Variants in ESRRG observed in about 807,000 individuals in gnomAD.
ESRRG encodes estrogen-related receptor gamma.
A neutral mutation model predicts 44.0 loss-of-function variants in ESRRG; 13 were observed. The ratio of observed to expected loss-of-function variants is 0.30; its 90% CI spans 0.19 to 0.47. The LOEUF (loss-of-function observed/expected upper bound fraction) is 0.47, where lower values mean the gene tolerates loss of function less well. ESRRG is among the 20% of genes least tolerant of loss of function. ESRRG has a pLI of 1.00. For missense variants in ESRRG, 395 were observed against 580.6 expected, an observed-to-expected ratio of 0.68 and a Z score of 3.29; for synonymous variants, 215 against 214.6, an observed-to-expected ratio of 1.00 and a Z score of -0.02.
intron 3 of ESRRG, among the ~76,000 whole-genome samples, chr1:216,574,436 C>T (rs2149708276): frequency 6.6e-6 from 1 of 152,220 alleles, no homozygotes; most frequent in South Asian, 2.1e-4. Context: ...TTTGAGACTA[C>T]ATTTTGTGCC....
chr1:216,927,071 C>G (rs540366991), intron 2 of ESRRG, among the ~76,000 whole-genome samples: 2 of 152,296 alleles, frequency 1.3e-5, no homozygotes, highest in East Asian at 3.9e-4. Context: ...GCAACTGCTT[C>G]TTTTTAATTC....
At chr1:217,100,651 T>A (rs2092497148) in intron 1 of ESRRG, among the ~76,000 whole-genome samples, 1 of 152,210 alleles carries the variant, frequency 6.6e-6, no homozygotes, top group Non-Finnish European at 1.5e-5. Context: ...TGGCACCTGC[T>A]TCTGGTGAGG....
At chr1:216,689,702 G>A (rs1192842110) in intron 1 of ESRRG, among the ~76,000 whole-genome samples, 1 of 151,926 alleles carries the variant, frequency 6.6e-6, no homozygotes, top group South Asian at 2.1e-4. Context: ...AAAAACTTGA[G>A]ACCTGAATAA....
At chr1:216,775,607 G>C in intron 2 of ESRRG, among the ~76,000 whole-genome samples, 1 of 121,388 alleles carries the variant, frequency 8.2e-6, no homozygotes, top group Admixed American at 1.1e-4. Flanking sequence ...AGCGTCTCAC[G>C]CTGTCGCACA....
Position 216,710,060 on chromosome 1 carries a change from T to C in ESRRG, c.56+13184A>G, listed in dbSNP as rs373351552. On this transcript the variant is annotated intron_variant, in intron 1 of 6. Transcript: ENST00000408911. Reference sequence around the variant, plus strand: ...CTCCCTCGCATGCCTTCTCTGCACCTAAACAGAGCCATTTACATAGCCCAT... The same window carrying C: ...CTCCCTCGCATGCCTTCTCTGCACCCAAACAGAGCCATTTACATAGCCCAT... 2.0e-5 allele frequency among the ~76,000 whole-genome samples: 3 copies of C among 152,326 alleles called. No individual in the cohort carries two copies. In the East Asian group the frequency reaches 5.8e-4, roughly 29 times the overall value.
At chr1:217,113,515 C>T (rs1161839090) in intron 1 of ESRRG, among the ~76,000 whole-genome samples, 1 of 152,122 alleles carries the variant, frequency 6.6e-6, no homozygotes, top group Non-Finnish European at 1.5e-5. Context: ...AGGAGCCCAT[C>T]CACATATGGA....
chr1:217,100,019 T>G (rs1234083934), intron 1 of ESRRG, among the ~76,000 whole-genome samples: 2 of 152,032 alleles, frequency 1.3e-5, no homozygotes, highest in Non-Finnish European at 2.9e-5. Context: ...AAGTGAATTA[T>G]TTTGGTAATG....
chr1:216,719,600 T>G (rs1355285643), intron 1 of ESRRG, among the ~76,000 whole-genome samples: 1 of 152,040 alleles, frequency 6.6e-6, no homozygotes, highest in Non-Finnish European at 1.5e-5. Context: ...GCTGAGTTAA[T>G]TATTATTCTT....
At chr1:216,857,579 A>G (rs2095971569) in intron 2 of ESRRG, among the ~76,000 whole-genome samples, 1 of 152,018 alleles carries the variant, frequency 6.6e-6, no homozygotes, top group African/African-American at 2.4e-5. Flanking sequence ...AATGCACACA[A>G]TATAAAAGTC....
intron 2 of ESRRG, among the ~76,000 whole-genome samples, chr1:216,880,304 CAAAAAAAAAAAAAAAA>C (rs11301281): frequency 1.0e-4 from 3 of 29,032 alleles, no homozygotes; most frequent in East Asian, 2.6e-3. Context: ...GCCTCCCTCT[CAAAAAAAAAAAAAAAA>C]AAAAAAAAAA....
At chr1:216,966,848 G>A (rs1203127429) in intron 1 of ESRRG, among the ~76,000 whole-genome samples, 1 of 152,024 alleles carries the variant, frequency 6.6e-6, no homozygotes, top group Admixed American at 6.6e-5. Context: ...TACAGAGGGT[G>A]GCTGCTTTTT....
At chr1:216,793,773 T>C (rs2094395018) in intron 2 of ESRRG, among the ~76,000 whole-genome samples, 1 of 152,202 alleles carries the variant, frequency 6.6e-6, no homozygotes, top group African/African-American at 2.4e-5. Context: ...GTTTTGCTTT[T>C]CTTCTAATTT....
At chr1:217,011,567 G>A (rs923278868) in intron 1 of ESRRG, among the ~76,000 whole-genome samples, 1 of 152,036 alleles carries the variant, frequency 6.6e-6, no homozygotes, top group Non-Finnish European at 1.5e-5. Flanking sequence ...ATCTCCCAAG[G>A]AAATAAAAAA....
At chr1:216,543,047 C>T (rs2053386629) in intron 5 of ESRRG, among the ~76,000 whole-genome samples, 1 of 152,012 alleles carries the variant, frequency 6.6e-6, no homozygotes, top group Non-Finnish European at 1.5e-5. Flanking sequence ...TCAAAATAGC[C>T]ATAGCACCCT....
intron 2 of ESRRG, among the ~76,000 whole-genome samples, chr1:216,752,181 G>A (rs749097942): frequency 1.2e-4 from 19 of 152,016 alleles, no homozygotes; most frequent in Non-Finnish European, 2.5e-4. Flanking sequence ...AAAGAGTTAA[G>A]TATTTTTGTA....
intron 2 of ESRRG, among the ~76,000 whole-genome samples, chr1:216,670,797 G>A (rs979983110): frequency 6.6e-6 from 1 of 152,116 alleles, no homozygotes; most frequent in African/African-American, 2.4e-5. Flanking sequence ...TACAAGATTG[G>A]GAGATAGAGG....
chr1:216,823,725 C>T (rs1381465186), intron 2 of ESRRG, among the ~76,000 whole-genome samples: 1 of 152,114 alleles, frequency 6.6e-6, no homozygotes, highest in Non-Finnish European at 1.5e-5. Context: ...TTAATAGAGC[C>T]ACCCATTTCT....
chr1:216,573,492 T>C (rs2061192565), intron 3 of ESRRG, among the ~76,000 whole-genome samples: 1 of 151,984 alleles, frequency 6.6e-6, no homozygotes, highest in African/African-American at 2.4e-5. Context: ...TTTATAAATC[T>C]TAAAATGTCA....
chr1:216,830,493 G>T (rs2095470674), intron 2 of ESRRG, among the ~76,000 whole-genome samples: 1 of 152,198 alleles, frequency 6.6e-6, no homozygotes, highest in Non-Finnish European at 1.5e-5. Context: ...GCTTTGAGAG[G>T]CTTGTCAGGT....
Sources: gnomAD v4.1 joint callset for allele counts (sites outside exome capture counted in the v4.1 genomes callset) on GRCh38, gnomAD v4.1.1 for gene constraint, MANE v1.5 for transcripts, NCBI Gene and HGNC (gene_info 2026-07-23, HGNC 2026-07-21) for gene names.